ARHGEF18: variants seen among roughly 807,000 people sequenced by gnomAD.
ARHGEF18 encodes rho guanine nucleotide exchange factor 18.
A neutral mutation model predicts 155.7 loss-of-function variants in ARHGEF18; 93 were observed. That is an observed-to-expected ratio of 0.60 (90% confidence interval 0.50 to 0.71). The LOEUF (loss-of-function observed/expected upper bound fraction) is 0.71, where lower values mean the gene tolerates loss of function less well. Among genes scored for constraint, ARHGEF18 ranks in the 30% least tolerant of loss-of-function variants. The probability of loss-of-function intolerance (pLI) is 0.00; values close to 1 mark genes in which losing one functional copy is unlikely to be tolerated. For missense variants in ARHGEF18, 1,593 were observed against 1,816.1 expected (o/e 0.88, Z 2.23); for synonymous variants, 742 against 753.1 (o/e 0.99, Z 0.24).
intron 15 of ARHGEF18, among the ~76,000 whole-genome samples, chr19:7,448,554 G>A (rs187310721): frequency 0.01 from 1,566 of 152,116 alleles, 28 homozygotes; most frequent in African/African-American, 0.036. Context: ...CCAGCTACTC[G>A]GGAGGCTGAG....
Position 7,440,268 on chromosome 19 carries a change from C to G in ARHGEF18, c.968-76C>G, listed in dbSNP as rs576729791. On this transcript the variant is annotated intron_variant, in intron 10 of 28. Coordinates refer to ENST00000668164, the MANE Select transcript of ARHGEF18 (RefSeq NM_001367823.1). The surrounding 1 kb of genome is among the most constrained non-coding windows in gnomAD (Gnocchi z 5.4). The stretch of plus-strand genomic sequence containing the variant: ...GTCTGTGCTGCGGCCGCAGTCGGAG[C>G]GGGGCTTCCGCGCCGGGGACCTCCG... The G allele has an allele frequency of 6.4e-7, 1 of 1,559,272 alleles. No homozygotes were observed. Among genetic ancestry groups the G allele is most frequent in the African/African-American group, 1.4e-5 (1 of 73,336 alleles).
chr19:7,452,244 G>A (rs2145839353), intron 16 of ARHGEF18, among the ~76,000 whole-genome samples: 1 of 152,354 alleles, frequency 6.6e-6, no homozygotes, highest in Non-Finnish European at 1.5e-5. Flanking sequence ...GACCAGGGCT[G>A]AGCAAGGGAT....
Position 7,467,247 on chromosome 19 carries a change from A to T in ARHGEF18, c.3043A>T (p.Thr1015Ser). Residue 1015 changes from threonine (T) to serine (S), a missense_variant, in exon 26 of 29, where the codon ACG (threonine) becomes TCG (serine). Transcript: ENST00000668164. ...CGCCCACCAGGACAGCTATGTGGAG[A>T]CGCAGCGGGCTGCCATCCAGGAGCG... ...VIAHQDSYVETQRAAIQEREK... is the reference protein window; with the variant it reads ...VIAHQDSYVESQRAAIQEREK... The T allele has an allele frequency of 6.3e-7, 1 of 1,578,598 alleles. No homozygotes were observed. The highest frequency in any genetic ancestry group is 8.6e-7 in the Non-Finnish European group (1 of 1,163,202).
chr19:7,361,297 G>A (rs1376712068), intron 1 of ARHGEF18, among the ~76,000 whole-genome samples: 3 of 152,134 alleles, frequency 2.0e-5, no homozygotes, highest in Admixed American at 6.5e-5. Flanking sequence ...AATTAGCCAG[G>A]TGTGGTGGTG....
At chr19:7,460,857 C>T (rs1484857421) in intron 20 of ARHGEF18, among the ~76,000 whole-genome samples, 3 of 151,374 alleles carry the variant, frequency 2.0e-5, no homozygotes, top group Non-Finnish European at 4.4e-5. Context: ...GGCGTGATCT[C>T]GGCTTACTGC....
chr19:7,445,698 C>T (rs1172078277), intron 14 of ARHGEF18, among the ~76,000 whole-genome samples: 1 of 152,146 alleles, frequency 6.6e-6, no homozygotes, highest in East Asian at 1.9e-4. Flanking sequence ...CGGCTCACTG[C>T]AACCTGCACC....
intron 10 of ARHGEF18, among the ~76,000 whole-genome samples, chr19:7,426,165 C>T (rs1257082431): frequency 6.6e-6 from 1 of 151,954 alleles, no homozygotes; most frequent in African/African-American, 2.4e-5. Flanking sequence ...GTCAACAGAG[C>T]AAGACCCTGT....
chr19:7,474,537 C>T (rs374824737), downstream of ARHGEF18, among the ~76,000 whole-genome samples: 316 of 152,008 alleles, frequency 2.1e-3, 3 homozygotes, highest in African/African-American at 7.3e-3. Context: ...CACCATCATG[C>T]CCGGCTAATT....
At chr19:7,408,165 G>C (rs989751882) in intron 10 of ARHGEF18, among the ~76,000 whole-genome samples, 4 of 151,986 alleles carry the variant, frequency 2.6e-5, no homozygotes, top group African/African-American at 9.7e-5. Context: ...TATAATCCCA[G>C]CTACTTGGGG....
downstream of ARHGEF18, among the ~76,000 whole-genome samples, chr19:7,476,651 T>C (rs1367471182): frequency 6.6e-6 from 1 of 152,230 alleles, no homozygotes; most frequent in African/African-American, 2.4e-5. Flanking sequence ...GTGGCGCCTC[T>C]GGCCTGTGTG....
chr19:7,374,448 G>A (rs139218814), intron 3 of ARHGEF18, among the ~76,000 whole-genome samples: 1,547 of 152,114 alleles, frequency 0.01, 36 homozygotes, highest in African/African-American at 0.034. Flanking sequence ...AGGCCAAGGC[G>A]GGTGGATCAC....
chr19:7,400,963 C>G lies in ARHGEF18; in HGVS notation c.967+17760C>G, dbSNP rs184650983. Among the ~76,000 whole-genome samples, 80 of 152,306 alleles carry G rather than the reference C, an allele frequency of 5.3e-4. 1 individual carries two copies. The highest frequency in any genetic ancestry group is 3.9e-4 in the Admixed American group (6 of 15,270). On this transcript the variant is annotated intron_variant, in intron 10 of 28. Coordinates refer to ENST00000668164, the MANE Select transcript of ARHGEF18 (RefSeq NM_001367823.1). ...CAGGAATCTAGCATCATCTTGCATA[C>G]AGGGACATCCCAGTTACACTCTGTG...
chr19:7,388,879 C>A (rs1004451660), intron 10 of ARHGEF18, among the ~76,000 whole-genome samples: 6 of 152,074 alleles, frequency 3.9e-5, no homozygotes, highest in Non-Finnish European at 4.4e-5. Context: ...CCGCGCCTGG[C>A]CTGCCCTTTG....
intron 14 of ARHGEF18, among the ~76,000 whole-genome samples, chr19:7,446,436 AATTAG>A (rs1974994921): frequency 1.3e-5 from 2 of 152,140 alleles, no homozygotes; most frequent in South Asian, 2.1e-4. Flanking sequence ...GAGTCAGACA[AATTAG>A]ATGAAAATAT....
At chr19:7,355,349 T>C (rs935280335) in intron 1 of ARHGEF18, among the ~76,000 whole-genome samples, 1 of 152,040 alleles carries the variant, frequency 6.6e-6, no homozygotes. Context: ...TTTGTACTTG[T>C]ATTTCCCTAA....
chr19:7,470,183 C>T lies in ARHGEF18; in HGVS notation c.3971C>T (p.Ser1324Phe). Reference sequence around the variant, plus strand: ...GCTGACAGCCCCTCCGAGGGCTTCTCTCTCAAGGCCGGGGGCACAGCCCTC... The same window carrying T: ...GCTGACAGCCCCTCCGAGGGCTTCTTTCTCAAGGCCGGGGGCACAGCCCTC... ...PPADSPSEGF[S>F]LKAGGTALLP... Residue 1324 changes from serine (S) to phenylalanine (F), a missense_variant, in exon 29 of 29, where the codon TCT becomes TTT. By Grantham distance (155) the Ser-to-Phe change is radical. Transcript: ENST00000668164. This position sits in a 1 kb window ranked among gnomAD's most constrained non-coding sequence, Gnocchi z 5.9. 6.2e-7 allele frequency: 1 copy of T among 1,612,216 alleles called. No individual in the cohort carries two copies. Among genetic ancestry groups the T allele is most frequent in the East Asian group, 2.2e-5 (1 of 44,806 alleles).
chr19:7,442,037 C>T lies in ARHGEF18; in HGVS notation c.1345C>T (p.Gln449Ter). ...KKQKREVVKR[Q>*]DVLYELMQTE... ...GCAAAAGAGGGAGGTGGTGAAAAGA[C>T]AAGATGTCCTTTATGGTGAGGAGTC... The change falls in exon 13 of 29, where the codon CAA becomes TAA. Residue 449 changes from glutamine to a stop codon, truncating the protein, a stop_gained. Transcript: ENST00000668164. LOFTEE classifies it high-confidence loss of function. 6.2e-7 allele frequency: 1 copy of T among 1,614,098 alleles called. No individual in the cohort carries two copies. The highest frequency in any genetic ancestry group is 8.5e-7 in the Non-Finnish European group (1 of 1,180,020).
At chr19:7,460,050 C>T (rs1477437192) in intron 20 of ARHGEF18, 56 bp downstream of exon 20, 1 of 1,510,438 alleles carries the variant, frequency 6.6e-7, no homozygotes, top group Non-Finnish European at 9.0e-7. Flanking sequence ...CTGGGCCCTC[C>T]ATCAGGACTG....
chr19:7,452,452 T>C (rs539497678), intron 16 of ARHGEF18, among the ~76,000 whole-genome samples: 1 of 151,986 alleles, frequency 6.6e-6, no homozygotes, highest in East Asian at 1.9e-4. Flanking sequence ...GGAGGGAATC[T>C]AATTTATTTA....
Sources: allele counts gnomAD v4.1 joint callset (sites outside exome capture counted in the v4.1 genomes callset), GRCh38; gene constraint gnomAD v4.1.1; non-coding constraint Gnocchi (gnomAD v3.1); transcripts MANE v1.5; gene names NCBI Gene and HGNC (gene_info 2026-07-23, HGNC 2026-07-21).